TMEM200A: variants seen among roughly 807,000 people sequenced by gnomAD.
The protein encoded by TMEM200A is two transmembrane C.
A neutral mutation model predicts 24.3 loss-of-function variants in TMEM200A; 12 were observed. That is an observed-to-expected ratio of 0.49 (90% CI 0.32 to 0.80). The LOEUF is 0.80. Among genes scored for constraint, TMEM200A ranks in the 30% least tolerant of loss-of-function variants. The pLI is 0.04. For synonymous variants in TMEM200A, 224 were observed against 224.4 expected, an observed-to-expected ratio of 1.00 and a Z score of 0.02; for missense variants, 545 against 614.4, an observed-to-expected ratio of 0.89 and a Z score of 1.19.
chr6:130,368,220 A>G (rs1247114030), intron 1 of TMEM200A, among the ~76,000 whole-genome samples: 1 of 152,250 alleles, frequency 6.6e-6, no homozygotes, highest in African/African-American at 2.4e-5. Flanking sequence ...AGAAAAGGAT[A>G]ACTACTGACA....
intron 2 of TMEM200A, among the ~76,000 whole-genome samples, chr6:130,422,500 C>G (rs1377615429): frequency 5.3e-5 from 8 of 152,134 alleles, no homozygotes; most frequent in Non-Finnish European, 1.0e-4. Context: ...CTCCCTACCT[C>G]AAGTGATCTG....
intron 1 of TMEM200A, among the ~76,000 whole-genome samples, chr6:130,368,310 A>G (rs767167571): frequency 6.6e-5 from 10 of 152,232 alleles, no homozygotes; most frequent in Non-Finnish European, 1.5e-4. Context: ...AAAGAAATTC[A>G]TATTTAGCTT....
rs1778142258 is a variant in TMEM200A, at chr6:130,366,274, C to G, written c.-331C>G. The G allele has an allele frequency of 1.0e-6, 1 of 985,176 alleles. No homozygotes were observed. Among genetic ancestry groups the G allele is most frequent in the East Asian group, 1.1e-4 (1 of 8,774 alleles). 61.0% of individuals were successfully genotyped at this position (985,176 alleles called of 1,614,324 possible). On this transcript the variant is annotated 5_prime_UTR_variant, in exon 1 of 3. Coordinates refer to ENST00000296978, the MANE Select transcript of TMEM200A (RefSeq NM_001258277.2). The surrounding 1 kb of genome is among the most constrained non-coding windows in gnomAD (Gnocchi z 4.4). ...GCGGGCATAGGGGCGCCCCCACCCT[C>G]CGTCCGCTTGCACCCCTTGCCACCC... is the stretch of plus-strand genomic sequence containing the variant.
At position 130,441,483 on chromosome 6, in the gene TMEM200A, CGTTGTCGAGTCAGTACAA is replaced by C. The variant is rs777363061; in HGVS notation, c.1064_1081del (p.Leu355_Lys360del). On this transcript the variant is annotated inframe_deletion, in exon 3 of 3. Coordinates refer to ENST00000296978, the MANE Select transcript of TMEM200A (RefSeq NM_001258277.2). ...CCAAGGAATAATTCCATTGGGGAGTCGTTGTCGAGTCAGTACAAGTCATCTATGGCTCTCGGACCTGGG... is the reference window on the plus strand; with the variant it reads ...CCAAGGAATAATTCCATTGGGGAGTCGTCATCTATGGCTCTCGGACCTGGG... 1.2e-6 allele frequency: 2 copies of C among 1,614,022 alleles called. No homozygotes were observed. The highest frequency in any genetic ancestry group is 1.1e-5 in the South Asian group (1 of 91,068).
chr6:130,421,537 C>T (rs866252187), intron 2 of TMEM200A, among the ~76,000 whole-genome samples: 2 of 92,658 alleles, frequency 2.2e-5, no homozygotes, highest in African/African-American at 1.2e-4. Context: ...TGTGTGTGTG[C>T]ATGCGTACAT....
chr6:130,396,101 A>G (rs1778945543), intron 2 of TMEM200A, among the ~76,000 whole-genome samples: 1 of 152,164 alleles, frequency 6.6e-6, no homozygotes, highest in South Asian at 2.1e-4. Context: ...CTTTTTGCCT[A>G]AAAATATCAA....
intron 2 of TMEM200A, among the ~76,000 whole-genome samples, chr6:130,392,225 T>C (rs1778851218): frequency 6.6e-6 from 1 of 152,246 alleles, no homozygotes; most frequent in South Asian, 2.1e-4. Flanking sequence ...TGTAAGTTAC[T>C]TAATGAGGTA....
chr6:130,423,368 T>C (rs1010549346), intron 2 of TMEM200A, among the ~76,000 whole-genome samples: 2 of 152,190 alleles, frequency 1.3e-5, no homozygotes, highest in Non-Finnish European at 2.9e-5. Context: ...TTATGTTCAC[T>C]TAACATATTT....
rs768424214 is a variant in TMEM200A at position 130,440,374 on chromosome 6, C to T, written c.-16-33C>T. 5.3e-6 allele frequency: 8 copies of T among 1,499,262 alleles called. No individual in the cohort carries two copies. In the South Asian group the frequency reaches 1.2e-4, roughly 22 times the overall value. 92.9% of individuals were successfully genotyped at this position (1,499,262 alleles called of 1,614,324 possible). On this transcript the variant is annotated intron_variant, in intron 2 of 2. Coordinates refer to ENST00000296978, the MANE Select transcript of TMEM200A (RefSeq NM_001258277.2). ...TGCTCATACCCCAGGAACATATTTA[C>T]ATCATCTTTTTCCTTTTTTTTTTCT...
chr6:130,439,750 A>G (rs944684890), intron 2 of TMEM200A, among the ~76,000 whole-genome samples: 54 of 152,156 alleles, frequency 3.5e-4, no homozygotes, highest in African/African-American at 1.3e-3. Context: ...GGAGAACTTA[A>G]CATCATAAAA....
At chr6:130,378,375 C>A (rs1172404255) in intron 1 of TMEM200A, among the ~76,000 whole-genome samples, 1 of 149,932 alleles carries the variant, frequency 6.7e-6, no homozygotes, top group African/African-American at 2.5e-5. Flanking sequence ...CCTGATAGGG[C>A]CTGAACTCAA....
intron 2 of TMEM200A, among the ~76,000 whole-genome samples, chr6:130,406,711 C>T (rs1050581145): frequency 1.3e-5 from 2 of 152,170 alleles, no homozygotes; most frequent in African/African-American, 4.8e-5. Flanking sequence ...CTTTGTCAGC[C>T]TTGTCAGAAG....
intron 2 of TMEM200A, among the ~76,000 whole-genome samples, chr6:130,386,534 T>C (rs1362444745): frequency 2.0e-5 from 3 of 152,202 alleles, no homozygotes; most frequent in African/African-American, 7.2e-5. Context: ...GGGAAGAGAT[T>C]AGGAAAGTTT....
At chr6:130,434,688 C>A (rs1026839689) in intron 2 of TMEM200A, among the ~76,000 whole-genome samples, 2 of 152,040 alleles carry the variant, frequency 1.3e-5, no homozygotes, top group Non-Finnish European at 2.9e-5. Flanking sequence ...TTAGAACGGA[C>A]GGTATGTGGT....
chr6:130,414,102 G>C (rs1305069619), intron 2 of TMEM200A, among the ~76,000 whole-genome samples: 1 of 152,034 alleles, frequency 6.6e-6, no homozygotes, highest in Non-Finnish European at 1.5e-5. Flanking sequence ...GTTCTCAAAA[G>C]TCTTAATAAA....
intron 2 of TMEM200A, among the ~76,000 whole-genome samples, chr6:130,390,591 T>A (rs1321721284): frequency 6.6e-6 from 1 of 152,226 alleles, no homozygotes. Context: ...AAATCCTGTC[T>A]TTTTTATGAC....
Position 130,441,984 on chromosome 6 carries a change from C to A in TMEM200A, c.*86C>A. The stretch of plus-strand genomic sequence containing the variant: ...TCCTTCTTAAAGTATTGGCTGTAAG[C>A]CTTTTTAATCAAATGGTTTGTAGTG... On this transcript the variant is annotated 3_prime_UTR_variant, in exon 3 of 3. Transcript: ENST00000296978. 4 of 1,299,530 alleles carry A rather than the reference C, an allele frequency of 3.1e-6. No individual in the cohort carries two copies. Among genetic ancestry groups the A allele is most frequent in the Non-Finnish European group, 4.2e-6 (4 of 953,510 alleles). The allele number at this position is 1,299,530 out of a possible 1,614,324, so 80.5% of individuals were successfully genotyped here.
chr6:130,441,296 GT>G lies in TMEM200A; in HGVS notation c.875del (p.Val292GlyfsTer14). Reference protein sequence around the residue: ...SSSISAFTLPVIKLNNCVIDE... With the variant: ...SSSISAFTLPXIKLNNCVIDE... Reference sequence around the variant, plus strand: ...GTCCATCAGTGCTTTTACATTGCCTGTGATCAAACTTAATAACTGTGTTATT... The same window carrying G: ...GTCCATCAGTGCTTTTACATTGCCTGGATCAAACTTAATAACTGTGTTATT... On this transcript the variant is annotated frameshift_variant, in exon 3 of 3. Transcript: ENST00000296978. LOFTEE classifies it high-confidence loss of function. 6.2e-7 allele frequency: 1 copy of G among 1,614,092 alleles called. No individual in the cohort carries two copies. The highest frequency in any genetic ancestry group is 8.5e-7 in the Non-Finnish European group (1 of 1,179,996).
intron 2 of TMEM200A, among the ~76,000 whole-genome samples, chr6:130,394,470 G>T (rs1778904003): frequency 6.6e-6 from 1 of 152,116 alleles, no homozygotes; most frequent in South Asian, 2.1e-4. Flanking sequence ...TCTGCTTTTG[G>T]CAGAGGCTCG....
Sources: allele counts gnomAD v4.1 joint callset (sites outside exome capture counted in the v4.1 genomes callset), GRCh38; gene constraint gnomAD v4.1.1; non-coding constraint Gnocchi (gnomAD v3.1); transcripts MANE v1.5; gene names NCBI Gene and HGNC (gene_info 2026-07-23, HGNC 2026-07-21).